Variants in CCSER2 observed in about 807,000 individuals in gnomAD.
The protein encoded by CCSER2 is serine-rich coiled-coil domain-containing protein 2.
In CCSER2, 46 loss-of-function variants were observed where a neutral mutation model predicts 92.3. The observed-to-expected ratio is 0.50, with a 90% confidence interval of 0.39 to 0.64. CCSER2 has a LOEUF of 0.64. Ranked by LOEUF, CCSER2 falls within the 30% of genes least tolerant of loss-of-function variation. The probability of loss-of-function intolerance (pLI) is 0.00; values close to 1 mark genes in which losing one functional copy is unlikely to be tolerated. For missense variants in CCSER2, 1,244 were observed against 1,238.9 expected (o/e 1.00, Z -0.06); for synonymous variants, 433 against 431.4 (o/e 1.00, Z -0.04).
At chr10:84,407,594 T>TA (rs1842441535) in intron 3 of CCSER2, among the ~76,000 whole-genome samples, 1 of 152,238 alleles carries the variant, frequency 6.6e-6, no homozygotes, top group South Asian at 2.1e-4. Flanking sequence ...GCCACTGACA[T>TA]ATGCCACATG....
intron 3 of CCSER2, among the ~76,000 whole-genome samples, chr10:84,385,865 T>A (rs1841173791): frequency 6.6e-6 from 1 of 151,756 alleles, no homozygotes; most frequent in Non-Finnish European, 1.5e-5. Flanking sequence ...GTATTCAGAA[T>A]TTACAAGGAA....
At chr10:84,469,374 T>C (rs1846641185) in intron 7 of CCSER2, among the ~76,000 whole-genome samples, 2 of 152,110 alleles carry the variant, frequency 1.3e-5, no homozygotes, top group South Asian at 4.1e-4. Flanking sequence ...TTTTCAATTA[T>C]AGTGTACATA....
At chr10:84,473,567 T>G (rs1846946612) in intron 8 of CCSER2, among the ~76,000 whole-genome samples, 1 of 152,196 alleles carries the variant, frequency 6.6e-6, no homozygotes, top group African/African-American at 2.4e-5. Flanking sequence ...TTTAACAGTA[T>G]AAGGTTTAGT....
chr10:84,345,390 G>C (rs1403690684), intron 1 of CCSER2, among the ~76,000 whole-genome samples: 1 of 152,068 alleles, frequency 6.6e-6, no homozygotes, highest in Non-Finnish European at 1.5e-5. Context: ...TACTTTAAAA[G>C]CATTTAGTAT....
chr10:84,372,498 G>T (rs1299656058), intron 2 of CCSER2, 29 bp downstream of exon 2: 2 of 1,317,462 alleles, frequency 1.5e-6, no homozygotes, highest in Non-Finnish European at 1.0e-6. Context: ...AAGTTTTTTT[G>T]CTTTCTTTTA....
At chr10:84,495,775 G>GT (rs753940405) in intron 9 of CCSER2, among the ~76,000 whole-genome samples, 44,481 of 133,146 alleles carry the variant, frequency 0.33, 8,025 homozygotes, top group East Asian at 0.52. Flanking sequence ...AATTTCTTTT[G>GT]TTTTTTTTTT....
chr10:84,432,012 G>A (rs534010053), intron 5 of CCSER2, among the ~76,000 whole-genome samples: 19 of 152,034 alleles, frequency 1.2e-4, no homozygotes, highest in Non-Finnish European at 1.8e-4. Context: ...ACCCTTTTGC[G>A]TTTCCACCAG....
intron 9 of CCSER2, among the ~76,000 whole-genome samples, chr10:84,481,470 G>A (rs1847452394): frequency 6.6e-6 from 1 of 151,822 alleles, no homozygotes; most frequent in Non-Finnish European, 1.5e-5. Flanking sequence ...TGGCTTTCAT[G>A]CTACAGGTGC....
At chr10:84,378,110 G>A (rs1846436666) in intron 3 of CCSER2, among the ~76,000 whole-genome samples, 1 of 152,212 alleles carries the variant, frequency 6.6e-6, no homozygotes. Context: ...GAATTTCAGA[G>A]AGAAAGCCTT....
chr10:84,436,325 CAAA>C (rs1160681619), intron 5 of CCSER2, among the ~76,000 whole-genome samples: 18 of 14,338 alleles, frequency 1.3e-3, no homozygotes, highest in African/African-American at 7.3e-3. Flanking sequence ...GACTCCGTCT[CAAA>C]AAAAAAAAAA....
intron 3 of CCSER2, among the ~76,000 whole-genome samples, chr10:84,392,408 C>T (rs1336306619): frequency 6.7e-6 from 1 of 149,146 alleles, no homozygotes; most frequent in Non-Finnish European, 1.5e-5. Flanking sequence ...AAAACAGGAA[C>T]CATATAAATG....
chr10:84,392,554 G>C (rs1400798430), intron 3 of CCSER2, among the ~76,000 whole-genome samples: 1 of 151,712 alleles, frequency 6.6e-6, no homozygotes, highest in Non-Finnish European at 1.5e-5. Flanking sequence ...TTTCCCACAT[G>C]ATGGGGCTTT....
At chr10:84,454,011 G>T (rs895224160) in intron 6 of CCSER2, among the ~76,000 whole-genome samples, 1 of 152,010 alleles carries the variant, frequency 6.6e-6, no homozygotes, top group Non-Finnish European at 1.5e-5. Flanking sequence ...TTTTAGAGCT[G>T]CCATAACAGA....
chr10:84,451,717 T>C (rs1365974280), intron 6 of CCSER2, among the ~76,000 whole-genome samples: 1 of 152,170 alleles, frequency 6.6e-6, no homozygotes, highest in Non-Finnish European at 1.5e-5. Context: ...AATTTGTAAA[T>C]ACTATTTGCT....
intron 9 of CCSER2, among the ~76,000 whole-genome samples, chr10:84,508,765 T>G (rs576284287): frequency 2.0e-5 from 3 of 152,266 alleles, no homozygotes; most frequent in African/African-American, 7.2e-5. Context: ...TTCTAGTTTA[T>G]TATTATATTG....
At chr10:84,388,149 G>A (rs1216171905) in intron 3 of CCSER2, among the ~76,000 whole-genome samples, 5 of 152,166 alleles carry the variant, frequency 3.3e-5, no homozygotes. Flanking sequence ...AGCGCTCCTG[G>A]CCTGGGCTTT....
intron 5 of CCSER2, among the ~76,000 whole-genome samples, chr10:84,427,771 TC>T (rs1843518424): frequency 1.3e-5 from 2 of 152,164 alleles, no homozygotes; most frequent in African/African-American, 4.8e-5. Flanking sequence ...CCTAGCAAAC[TC>T]ACATTCTTCA....
intron 1 of CCSER2, among the ~76,000 whole-genome samples, chr10:84,345,212 A>C (rs555739067): frequency 2.0e-5 from 3 of 152,162 alleles, no homozygotes; most frequent in Admixed American, 6.5e-5. Flanking sequence ...AGAAATGAGG[A>C]GAGGACAGGA....
At chr10:84,347,587 C>T (rs1387076044) in intron 1 of CCSER2, among the ~76,000 whole-genome samples, 1 of 150,456 alleles carries the variant, frequency 6.6e-6, no homozygotes, top group Non-Finnish European at 1.5e-5. Context: ...GGGCGGCTGG[C>T]CTGGCGGGGG....
Sources: gnomAD v4.1 joint callset for allele counts (sites outside exome capture counted in the v4.1 genomes callset) on GRCh38, gnomAD v4.1.1 for gene constraint, MANE v1.5 for transcripts, NCBI Gene and HGNC (gene_info 2026-07-23, HGNC 2026-07-21) for gene names.